NPRL3: variants seen among roughly 807,000 people sequenced by gnomAD.
The protein encoded by NPRL3 is NPR3 like, GATOR1 complex subunit, also known as GATOR1 complex protein NPRL3.
In NPRL3, 23 loss-of-function variants were observed where a neutral mutation model predicts 57.2. The observed-to-expected ratio is 0.40, with a 90% confidence interval of 0.29 to 0.57. NPRL3 has a LOEUF of 0.57. Among genes scored for constraint, NPRL3 ranks in the 20% least tolerant of loss-of-function variants. NPRL3 has a pLI of 0.42. For missense variants in NPRL3, 691 were observed against 767.1 expected (o/e 0.90, Z 1.17); for synonymous variants, 333 against 321.1 (o/e 1.04, Z -0.39).
chr16:126,719 T>G (rs1184759884), intron 3 of NPRL3, among the ~76,000 whole-genome samples: 2 of 152,186 alleles, frequency 1.3e-5, no homozygotes, highest in Admixed American at 1.3e-4. Flanking sequence ...ATGAGCACCA[T>G]GGCCCCTAAT....
intron 2 of NPRL3, among the ~76,000 whole-genome samples, chr16:131,293 C>T (rs1900779217): frequency 6.6e-6 from 1 of 152,038 alleles, no homozygotes; most frequent in African/African-American, 2.4e-5. Context: ...TCCTGGCTAA[C>T]ACGGTGAAAC....
chr16:106,043 G>A (rs1226919701), intron 7 of NPRL3, among the ~76,000 whole-genome samples: 1 of 152,230 alleles, frequency 6.6e-6, no homozygotes, highest in Non-Finnish European at 1.5e-5. Flanking sequence ...GGACGTGGTG[G>A]CTCACGCCTG....
Position 85,715 on chromosome 16 carries a change from G to A in NPRL3, c.*990C>T, listed in dbSNP as rs1434725441. The stretch of plus-strand genomic sequence containing the variant: ...GGCCCGGAAACCCCTCCGCTTCTAT[G>A]TCCGGGGCAGCCCCTGGGTCAGTGT... On this transcript the variant is annotated 3_prime_UTR_variant, in exon 14 of 14. Coordinates refer to ENST00000611875, the MANE Select transcript of NPRL3 (RefSeq NM_001077350.3). The A allele has an allele frequency of 1.3e-6, 2 of 1,533,168 alleles. No homozygotes were observed. The highest frequency in any genetic ancestry group is 1.8e-6 in the Non-Finnish European group (2 of 1,137,498). 95.0% of individuals were successfully genotyped at this position (1,533,168 alleles called of 1,614,324 possible). A position where few individuals can be genotyped will look rare whatever the true frequency, so the allele number is the denominator to read the frequency against.
At chr16:137,144 C>T (rs1263033477) in intron 2 of NPRL3, among the ~76,000 whole-genome samples, 2 of 151,662 alleles carry the variant, frequency 1.3e-5, no homozygotes, top group Non-Finnish European at 2.9e-5. Flanking sequence ...CCCTTGAGCC[C>T]GGGAGGTGGA....
In NPRL3 at chr16:119,111, C is replaced by G. The variant is rs1201910466; in HGVS notation, c.318+15G>C. ...CTGCCCAGGGAGAGCCCCACCTGCC[C>G]AGGGAGAGCCATACCTGCCCCAGAG... On this transcript the variant is annotated intron_variant, in intron 4 of 13. Coordinates refer to ENST00000611875, the MANE Select transcript of NPRL3 (RefSeq NM_001077350.3). 11 of 1,612,456 alleles carry G rather than the reference C, an allele frequency of 6.8e-6. No homozygotes were observed. Among genetic ancestry groups the G allele is most frequent in the Non-Finnish European group, 9.3e-6 (11 of 1,178,996 alleles).
chr16:110,611 A>T lies in NPRL3; in HGVS notation c.548-5T>A. ...GGGACTGAGGACCTTCATTTCCTAC[A>T]AGAATCACAACACAAGATTTACAGC... On this transcript the variant is annotated splice_region_variant and splice_polypyrimidine_tract_variant and intron_variant, in intron 6 of 13. Transcript: ENST00000611875. 1.2e-6 allele frequency: 2 copies of T among 1,604,170 alleles called. No homozygotes were observed. The highest frequency in any genetic ancestry group is 1.7e-6 in the Non-Finnish European group (2 of 1,174,728).
At chr16:130,244 G>C (rs1900728951) in intron 3 of NPRL3, among the ~76,000 whole-genome samples, 1 of 152,140 alleles carries the variant, frequency 6.6e-6, no homozygotes, top group Non-Finnish European at 1.5e-5. Flanking sequence ...TCTTTCATAG[G>C]AGATAAACAT....
chr16:109,247 G>GT (rs1196131057), intron 7 of NPRL3, among the ~76,000 whole-genome samples: 2 of 151,780 alleles, frequency 1.3e-5, no homozygotes, highest in Non-Finnish European at 2.9e-5. Context: ...GATTACAGGC[G>GT]TGAGTCACCA....
At position 89,768 on chromosome 16, in the gene NPRL3, G is replaced by A. The variant is rs1474098366; in HGVS notation, c.1296C>T (p.Ala432=). 2 of 1,599,926 alleles carry A rather than the reference G, an allele frequency of 1.3e-6. No homozygotes were observed. The highest frequency in any genetic ancestry group is 2.3e-5 in the East Asian group (1 of 43,892). The change falls in exon 12 of 14, where the codon GCC becomes GCT. Residue 432 remains alanine, a synonymous_variant. Transcript: ENST00000611875. ...TGCTGAGGCTGCGACCGCCGACCCGGGCAGTGAAGGGGACGTCGTCCTCTC... is the reference window on the plus strand; with the variant it reads ...TGCTGAGGCTGCGACCGCCGACCCGAGCAGTGAAGGGGACGTCGTCCTCTC... ...RPREDDVPFT[A]RVGGRSLSTP...
At chr16:103,839 G>C (rs1031183733) in intron 7 of NPRL3, among the ~76,000 whole-genome samples, 2 of 152,196 alleles carry the variant, frequency 1.3e-5, no homozygotes, top group African/African-American at 4.8e-5. Context: ...ATTAGGCCGG[G>C]TGCCGTGGCT....
At chr16:96,181 C>T (rs1567132636) in intron 9 of NPRL3, among the ~76,000 whole-genome samples, 1 of 152,178 alleles carries the variant, frequency 6.6e-6, no homozygotes, top group Non-Finnish European at 1.5e-5. Context: ...ACACTGTCCA[C>T]ACAAACTCCT....
rs367598130 is a variant in NPRL3 at position 86,772 on chromosome 16, C to T, written c.1643G>A (p.Arg548His). The T allele has an allele frequency of 5.5e-5, 88 of 1,601,314 alleles. No homozygotes were observed. The highest frequency in any genetic ancestry group is 4.9e-4 in the Middle Eastern group (3 of 6,072). The change falls in exon 14 of 14, where the codon CGC becomes CAC. Residue 548 changes from arginine to histidine, a missense_variant. Transcript: ENST00000611875. ...SQLLMLFDKF[R>H]SVLVVTTHED... ...GTGGGTGGTCACCACCAGCACGCTGCGGAACTTGTCAAACAGCATGAGCAG... is the reference window on the plus strand; with the variant it reads ...GTGGGTGGTCACCACCAGCACGCTGTGGAACTTGTCAAACAGCATGAGCAG...
intron 7 of NPRL3, among the ~76,000 whole-genome samples, chr16:109,461 G>A (rs1249497510): frequency 6.6e-6 from 1 of 152,208 alleles, no homozygotes; most frequent in African/African-American, 2.4e-5. Flanking sequence ...ACTGGAGTCA[G>A]TGACACCCAC....
Position 85,644 on chromosome 16 carries a change from C to A in NPRL3, c.*1061G>T. 1 of 1,591,684 alleles carries A rather than the reference C, an allele frequency of 6.3e-7. No individual in the cohort carries two copies. On this transcript the variant is annotated 3_prime_UTR_variant, in exon 14 of 14. Coordinates refer to ENST00000611875, the MANE Select transcript of NPRL3 (RefSeq NM_001077350.3). Reference sequence around the variant, plus strand: ...GGTCCCCTGGAGCCCAGTGAGCCGGCTGTAGTGGCAGCAGCCCGGGTGGGC... The same window carrying A: ...GGTCCCCTGGAGCCCAGTGAGCCGGATGTAGTGGCAGCAGCCCGGGTGGGC...
intron 7 of NPRL3, among the ~76,000 whole-genome samples, chr16:108,968 C>G (rs551991343): frequency 7.2e-4 from 110 of 151,884 alleles, no homozygotes; most frequent in Non-Finnish European, 9.7e-4. Flanking sequence ...CCGCGCCCGG[C>G]CTTTTTTTTT....
rs113435416 is a variant in NPRL3 at position 132,909 on chromosome 16, T to C, written c.119-2318A>G. ...TGGTCTTGATCTCCTGACCTCGTGA[T>C]CCGCCCACCTCGGCCTCCCAAAGTG... On this transcript the variant is annotated intron_variant, in intron 2 of 13. Transcript: ENST00000611875. Among the ~76,000 whole-genome samples the C allele has an allele frequency of 4.5e-3, 689 of 152,252 alleles. 8 individuals are homozygous for C. The highest frequency in any genetic ancestry group is 0.015 in the African/African-American group (640 of 41,556).
chr16:85,440 T>C lies in NPRL3; in HGVS notation c.*1265A>G, dbSNP rs1315280988. The C allele has an allele frequency of 8.7e-6, 14 of 1,611,926 alleles. No individual in the cohort carries two copies. In the South Asian group the frequency reaches 1.1e-4, roughly 13 times the overall value. On this transcript the variant is annotated 3_prime_UTR_variant, in exon 14 of 14. Transcript: ENST00000611875. ...GTCTTGCTGCGAGCACTGGAGCCCC[T>C]GGAAGGTCTGGAGACCATGCGTCAG...
intron 3 of NPRL3, among the ~76,000 whole-genome samples, chr16:120,385 G>T (rs531469178): frequency 6.6e-6 from 1 of 152,286 alleles, no homozygotes; most frequent in South Asian, 2.1e-4. Flanking sequence ...TTGGTGAAGG[G>T]ATGGGAGAGA....
In NPRL3 at chr16:130,603, C is replaced by T. The variant is rs554836466; in HGVS notation, c.119-12G>A. On this transcript the variant is annotated splice_polypyrimidine_tract_variant and intron_variant, in intron 2 of 13. Transcript: ENST00000611875. ...GCTACGCGGCTTACCTGAGTCGGGG[C>T]GAAAAGAGGGGAAGGGCTAAGAAAA... 42 of 1,552,496 alleles carry T rather than the reference C, an allele frequency of 2.7e-5. No individual in the cohort carries two copies. In the East Asian group the frequency reaches 5.6e-4, roughly 21 times the overall value.
Sources: allele counts gnomAD v4.1 joint callset (sites outside exome capture counted in the v4.1 genomes callset), GRCh38; gene constraint gnomAD v4.1.1; transcripts MANE v1.5; gene names NCBI Gene and HGNC (gene_info 2026-07-23, HGNC 2026-07-21).